The following PCDH15 variants were observed in gnomAD, a reference collection of about 807,000 sequenced individuals.
PCDH15 encodes the protein protocadherin-15.
PCDH15 carries 129 observed loss-of-function variants against 178.5 expected under a neutral mutation model. The observed-to-expected ratio is 0.72, with a 90% CI of 0.63 to 0.84. The LOEUF is 0.84. PCDH15 is among the 40% of genes least tolerant of loss of function. PCDH15 has a pLI of 0.00. For missense variants in PCDH15, 2,230 were observed against 2,099.9 expected (o/e 1.06, Z -1.21); for synonymous variants, 800 against 732.0 (o/e 1.09, Z -1.50).
At chr10:54,007,745 CT>C (rs2092433954) in intron 20 of PCDH15, among the ~76,000 whole-genome samples, 1 of 152,110 alleles carries the variant, frequency 6.6e-6, no homozygotes, top group Non-Finnish European at 1.5e-5. Flanking sequence ...GCATTAAACA[CT>C]TCATCTTTTA....
intron 1 of PCDH15, among the ~76,000 whole-genome samples, chr10:55,203,974 G>A (rs1426768582): frequency 6.6e-6 from 1 of 151,892 alleles, no homozygotes; most frequent in African/African-American, 2.4e-5. Context: ...AATTTGGGAG[G>A]CTGAGGCAGG....
intron 8 of PCDH15, among the ~76,000 whole-genome samples, chr10:54,301,984 GT>G (rs1235278712): frequency 6.6e-6 from 1 of 151,950 alleles, no homozygotes; most frequent in Non-Finnish European, 1.5e-5. Context: ...GTTGCTGGCT[GT>G]TTTTTTAGTG....
intron 3 of PCDH15, among the ~76,000 whole-genome samples, chr10:54,407,795 C>G (rs1353593399): frequency 6.6e-6 from 1 of 152,096 alleles, no homozygotes; most frequent in Non-Finnish European, 1.5e-5. Flanking sequence ...GTGGCTCCCA[C>G]CTATAATCCC....
At chr10:54,345,764 T>C (rs1943136737) in intron 6 of PCDH15, among the ~76,000 whole-genome samples, 1 of 113,274 alleles carries the variant, frequency 8.8e-6, no homozygotes. Flanking sequence ...ATCACGCCAC[T>C]GCACTCCAGC....
intron 2 of PCDH15, among the ~76,000 whole-genome samples, chr10:55,002,411 T>C (rs1839814362): frequency 6.6e-6 from 1 of 152,238 alleles, no homozygotes; most frequent in Non-Finnish European, 1.5e-5. Flanking sequence ...AAGTTTGCAT[T>C]GAACCTATCA....
intron 37 of PCDH15, among the ~76,000 whole-genome samples, chr10:53,810,312 AT>A (rs1042396283): frequency 1.3e-5 from 2 of 152,136 alleles, no homozygotes; most frequent in African/African-American, 4.8e-5. Context: ...AGAAAACATA[AT>A]TTTCATTGTG....
chr10:54,182,235 A>T (rs762053084), intron 13 of PCDH15, among the ~76,000 whole-genome samples: 1 of 152,142 alleles, frequency 6.6e-6, no homozygotes, highest in Non-Finnish European at 1.5e-5. Context: ...CCAAAGTGCT[A>T]GGATTACAGG....
At chr10:54,660,100 T>C (rs182360160) in intron 2 of PCDH15, among the ~76,000 whole-genome samples, 1 of 152,152 alleles carries the variant, frequency 6.6e-6, no homozygotes, top group African/African-American at 2.4e-5. Flanking sequence ...TAAATGGAGT[T>C]GAGACTGTAA....
Position 53,865,118 on chromosome 10 carries a change from G to A in PCDH15, c.3717+1524C>T, listed in dbSNP as rs187303477. 2.2e-3 allele frequency among the ~76,000 whole-genome samples: 329 copies of A among 152,184 alleles called. 2 individuals carry two copies. Among genetic ancestry groups the A allele is most frequent in the Non-Finnish European group, 3.8e-3 (258 of 68,004 alleles). On this transcript the variant is annotated intron_variant, in intron 27 of 37. Coordinates refer to ENST00000644397, the MANE Select transcript of PCDH15 (RefSeq NM_001384140.1). ...CTTGTTTCTTAGCAACAACAACAAC[G>A]ATACTAATTATAGAATTTTGTATGT...
At chr10:54,134,366 A>C in intron 14 of PCDH15, among the ~76,000 whole-genome samples, 1 of 88,242 alleles carries the variant, frequency 1.1e-5, no homozygotes, top group South Asian at 5.1e-4. Context: ...AGTAGTCCCA[A>C]ACTCTTTATA....
chr10:55,212,882 A>T (rs540240341), intron 1 of PCDH15, among the ~76,000 whole-genome samples: 8 of 152,160 alleles, frequency 5.3e-5, no homozygotes, highest in East Asian at 1.9e-4. Context: ...CCTAAAATAA[A>T]TTTTTTTACT....
chr10:54,515,605 C>T (rs966923893), intron 3 of PCDH15, among the ~76,000 whole-genome samples: 2 of 152,332 alleles, frequency 1.3e-5, no homozygotes, highest in Non-Finnish European at 2.9e-5. Flanking sequence ...ACTTAAACGT[C>T]CTTGTCTGAC....
At chr10:55,248,573 A>G (rs1419997035) in intron 1 of PCDH15, among the ~76,000 whole-genome samples, 2 of 152,078 alleles carry the variant, frequency 1.3e-5, no homozygotes, top group African/African-American at 2.4e-5. Flanking sequence ...TATTGTAAAA[A>G]TGTCCCCTTT....
Position 54,756,056 on chromosome 10 carries a change from AACACACAC to A in PCDH15, c.-29+44861_-29+44868del, listed in dbSNP as rs71014414. 9.0e-3 allele frequency among the ~76,000 whole-genome samples: 647 copies of A among 71,720 alleles called. 11 individuals carry two copies. The highest frequency in any genetic ancestry group is 0.027 in the African/African-American group (620 of 22,740). The allele number at this position is 71,720 out of a possible 152,430, so 47.1% of individuals were successfully genotyped here. ...TGGTGAAACCCCCGTCTCTACTAAA[AACACACAC>A]ACACACACACACACACACACACACA... On this transcript the variant is annotated intron_variant, in intron 1 of 37. Transcript: ENST00000644397.
intron 2 of PCDH15, among the ~76,000 whole-genome samples, chr10:55,119,125 T>G (rs1393220876): frequency 6.6e-6 from 1 of 152,180 alleles, no homozygotes; most frequent in Admixed American, 6.5e-5. Flanking sequence ...CTTTGATGCA[T>G]GTTTCATTGT....
At chr10:54,832,584 G>A (rs530526436) in intron 3 of PCDH15, among the ~76,000 whole-genome samples, 2 of 152,224 alleles carry the variant, frequency 1.3e-5, no homozygotes, top group East Asian at 1.9e-4. Context: ...AATCTGGCCA[G>A]TACATTTGTA....
intron 13 of PCDH15, among the ~76,000 whole-genome samples, chr10:54,155,947 G>A (rs1442327986): frequency 6.6e-6 from 1 of 152,220 alleles, no homozygotes; most frequent in East Asian, 1.9e-4. Flanking sequence ...CAATGACTCT[G>A]TGACCAGTAG....
intron 2 of PCDH15, among the ~76,000 whole-genome samples, chr10:55,093,030 A>C (rs1470060389): frequency 2.0e-5 from 3 of 152,076 alleles, no homozygotes; most frequent in Non-Finnish European, 4.4e-5. Flanking sequence ...TATATAGCAC[A>C]ATGAAGATGA....
chr10:55,255,945 T>G (rs1343415054), intron 1 of PCDH15, among the ~76,000 whole-genome samples: 3 of 152,206 alleles, frequency 2.0e-5, no homozygotes, highest in Non-Finnish European at 2.9e-5. Context: ...CAGAAGCTGT[T>G]TAGTTTAATT....
Sources: gnomAD v4.1 joint callset for allele counts (sites outside exome capture counted in the v4.1 genomes callset) on GRCh38, gnomAD v4.1.1 for gene constraint, MANE v1.5 for transcripts, NCBI Gene and HGNC (gene_info 2026-07-23, HGNC 2026-07-21) for gene names.